GAP43: variants seen among roughly 807,000 people sequenced by gnomAD.
The protein encoded by GAP43 is neuromodulin.
A neutral mutation model predicts 18.6 loss-of-function variants in GAP43; 6 were observed. That is an observed-to-expected ratio of 0.32 (90% CI 0.18 to 0.64). The LOEUF is 0.64. Among genes scored for constraint, GAP43 ranks in the 30% least tolerant of loss-of-function variants. GAP43 has a pLI of 0.78. For missense variants in GAP43, 292 were observed against 295.5 expected (o/e 0.99, Z 0.09); for synonymous variants, 115 against 111.4 (o/e 1.03, Z -0.20).
At chr3:115,639,522 T>G (rs1708371531) in intron 1 of GAP43, among the ~76,000 whole-genome samples, 1 of 152,070 alleles carries the variant, frequency 6.6e-6, no homozygotes, top group African/African-American at 2.4e-5. Context: ...ATCTTCCCCT[T>G]TGTCAATAAT....
chr3:115,706,742 T>G (rs376963010), intron 2 of GAP43, among the ~76,000 whole-genome samples: 4 of 152,168 alleles, frequency 2.6e-5, no homozygotes, highest in East Asian at 1.9e-4. Context: ...AACTATTCTT[T>G]TTTTCACTCC....
chr3:115,684,540 CTG>C (rs1255630950), intron 2 of GAP43, among the ~76,000 whole-genome samples: 1 of 151,598 alleles, frequency 6.6e-6, no homozygotes, highest in African/African-American at 2.4e-5. Context: ...AGAGTTCAGA[CTG>C]TAGGGAAAAT....
In GAP43 at chr3:115,623,713, C is replaced by T; in HGVS notation, c.24C>T (p.Thr8=). ...CCATGCTGTGCTGTATGAGAAGAAC[C>T]AAACAGGTAGAGCTAAAGATTTTTT... The part of the protein sequence containing the change: MLCCMRR[T]KQVEKNDDDQ... The change falls in exon 1 of 3, where the codon ACC becomes ACT. Residue 8 remains threonine (T), a synonymous_variant. Coordinates refer to ENST00000305124, the MANE Select transcript of GAP43 (RefSeq NM_002045.4). 6.2e-7 allele frequency: 1 copy of T among 1,614,162 alleles called. No homozygotes were observed. The highest frequency in any genetic ancestry group is 8.5e-7 in the Non-Finnish European group (1 of 1,179,970).
intron 1 of GAP43, among the ~76,000 whole-genome samples, chr3:115,671,918 G>A (rs1423403864): frequency 6.6e-6 from 1 of 152,182 alleles, no homozygotes. Flanking sequence ...GTTATTTATT[G>A]TTAAAGCACT....
At chr3:115,679,289 C>G (rs1334915496) in intron 2 of GAP43, among the ~76,000 whole-genome samples, 1 of 152,058 alleles carries the variant, frequency 6.6e-6, no homozygotes, top group Non-Finnish European at 1.5e-5. Flanking sequence ...TACTTTAATA[C>G]CTATGGAAAT....
intron 1 of GAP43, among the ~76,000 whole-genome samples, chr3:115,672,292 A>G (rs1479026422): frequency 2.6e-5 from 4 of 152,172 alleles, no homozygotes. Context: ...TGTGCTGAGT[A>G]GTCTGGTTTC....
intron 1 of GAP43, among the ~76,000 whole-genome samples, chr3:115,647,489 A>G (rs183231013): frequency 1.3e-5 from 2 of 152,146 alleles, no homozygotes; most frequent in East Asian, 1.9e-4. Context: ...TACAAGTACT[A>G]TAAGAGCTCA....
intron 1 of GAP43, among the ~76,000 whole-genome samples, chr3:115,639,198 T>C (rs1708367013): frequency 6.6e-6 from 1 of 152,154 alleles, no homozygotes; most frequent in Non-Finnish European, 1.5e-5. Flanking sequence ...GGGCAGCTAA[T>C]AGATATTTCA....
chr3:115,675,027 A>G (rs1837208), intron 1 of GAP43, among the ~76,000 whole-genome samples: 112,297 of 152,122 alleles, frequency 0.74, 41,795 homozygotes, highest in East Asian at 0.87. Flanking sequence ...AGAGCTCTTT[A>G]ATAAAAACCT....
In GAP43 at chr3:115,653,167, C is replaced by T. The variant is rs187306592; in HGVS notation, c.31-22846C>T. ...AAAATATGAGGTACTGGGCTAGGTG[C>T]GGTGGCTCATACCTGTAATCCCAGC... On this transcript the variant is annotated intron_variant, in intron 1 of 2. Transcript: ENST00000305124. Among the ~76,000 whole-genome samples the T allele has an allele frequency of 5.9e-5, 9 of 152,184 alleles. No individual in the cohort carries two copies. In the East Asian group the frequency reaches 1.4e-3, roughly 23 times the overall value.
In GAP43 at chr3:115,721,046, T is replaced by C. The variant is rs1709571599; in HGVS notation, c.*164T>C. On this transcript the variant is annotated 3_prime_UTR_variant, in exon 3 of 3. Transcript: ENST00000305124. ...CTCTTTCTCTCTGTGTGGCAAACAT[T>C]TAAAAAAAAAAAAAAAAAGCAGGAA... The C allele has an allele frequency of 3.0e-6, 1 of 337,606 alleles. No individual in the cohort carries two copies. The highest frequency in any genetic ancestry group is 2.3e-5 in the African/African-American group (1 of 44,320). 20.9% of individuals were successfully genotyped at this position (337,606 alleles called of 1,614,324 possible).
intron 2 of GAP43, among the ~76,000 whole-genome samples, chr3:115,688,006 ATTAT>A (rs59423282): frequency 4.7e-5 from 7 of 149,902 alleles, no homozygotes; most frequent in South Asian, 4.2e-4. Flanking sequence ...AAATTTTTTT[ATTAT>A]TTATTTATTT....
intron 2 of GAP43, among the ~76,000 whole-genome samples, chr3:115,695,708 C>G (rs369861217): frequency 6.6e-5 from 10 of 152,160 alleles, no homozygotes; most frequent in African/African-American, 2.4e-4. Flanking sequence ...GTTTAATCCA[C>G]AACAATCACA....
At chr3:115,670,304 T>C (rs923517264) in intron 1 of GAP43, among the ~76,000 whole-genome samples, 5 of 150,858 alleles carry the variant, frequency 3.3e-5, no homozygotes, top group Non-Finnish European at 7.4e-5. Flanking sequence ...ATTTCATCCA[T>C]GTCCCTACAA....
At chr3:115,654,422 G>T (rs911894297) in intron 1 of GAP43, among the ~76,000 whole-genome samples, 1 of 152,182 alleles carries the variant, frequency 6.6e-6, no homozygotes, top group African/African-American at 2.4e-5. Context: ...AAGATCTGAG[G>T]AAAAGATGAG....
chr3:115,683,161 A>G lies in GAP43; in HGVS notation c.628+6551A>G, dbSNP rs759647099. On this transcript the variant is annotated intron_variant, in intron 2 of 2. Coordinates refer to ENST00000305124, the MANE Select transcript of GAP43 (RefSeq NM_002045.4). ...CGCGCGCGCGCGCACACACACACAC[A>G]CACACACACACACACACACACACAC... Among the ~76,000 whole-genome samples, 932 of 149,310 alleles carry G rather than the reference A, an allele frequency of 6.2e-3. 13 individuals carry two copies. The highest frequency in any genetic ancestry group is 8.1e-3 in the Non-Finnish European group (543 of 67,358).
intron 1 of GAP43, among the ~76,000 whole-genome samples, chr3:115,625,841 A>C (rs1172745307): frequency 6.6e-6 from 1 of 152,238 alleles, no homozygotes; most frequent in African/African-American, 2.4e-5. Flanking sequence ...CATACTTCAT[A>C]TGCTACAGTT....
intron 2 of GAP43, among the ~76,000 whole-genome samples, chr3:115,687,671 TTCCTAGGATTGGGG>T (rs535370057): frequency 2.6e-5 from 4 of 152,138 alleles, no homozygotes; most frequent in Non-Finnish European, 5.9e-5. Flanking sequence ...AAGGATTGGG[TTCCTAGGATTGGGG>T]TCCTATCTCG....
intron 2 of GAP43, among the ~76,000 whole-genome samples, chr3:115,680,150 C>T (rs1478397307): frequency 2.0e-5 from 3 of 151,992 alleles, no homozygotes; most frequent in Admixed American, 2.0e-4. Flanking sequence ...GTATTGGAGT[C>T]ACAAAGATGA....
Sources: gnomAD v4.1 joint callset for allele counts (sites outside exome capture counted in the v4.1 genomes callset) on GRCh38, gnomAD v4.1.1 for gene constraint, MANE v1.5 for transcripts, NCBI Gene and HGNC (gene_info 2026-07-23, HGNC 2026-07-21) for gene names.